The following PLGRKT variants were observed in gnomAD, a reference collection of about 807,000 sequenced individuals.
PLGRKT encodes the protein plasminogen receptor (KT).
In PLGRKT, 22 loss-of-function variants were observed where a neutral mutation model predicts 18.5. The ratio of observed to expected loss-of-function variants is 1.19; its 90% CI spans 0.85 to 1.70. PLGRKT has a LOEUF of 1.70. Among genes scored for constraint, PLGRKT ranks in the 40% most tolerant of loss-of-function variants. The probability of loss-of-function intolerance (pLI) is 0.00; values close to 1 mark genes in which losing one functional copy is unlikely to be tolerated. For synonymous variants in PLGRKT, 72 were observed against 52.8 expected, an observed-to-expected ratio of 1.36 and a Z score of -1.58; for missense variants, 235 against 174.4, an observed-to-expected ratio of 1.35 and a Z score of -1.96.
chr9:5,360,492 G>A (rs538700632), intron 5 of PLGRKT, among the ~76,000 whole-genome samples: 2 of 152,238 alleles, frequency 1.3e-5, no homozygotes, highest in African/African-American at 4.8e-5. Context: ...GCCAGCCTCA[G>A]GCCATCATTT....
At chr9:5,406,239 C>T (rs982278428) in intron 3 of PLGRKT, among the ~76,000 whole-genome samples, 1 of 152,130 alleles carries the variant, frequency 6.6e-6, no homozygotes, top group Non-Finnish European at 1.5e-5. Flanking sequence ...TACCATTTGA[C>T]CCAGCAATCC....
chr9:5,385,877 C>T (rs1003378027), intron 3 of PLGRKT, among the ~76,000 whole-genome samples: 3 of 151,830 alleles, frequency 2.0e-5, no homozygotes, highest in Admixed American at 6.6e-5. Flanking sequence ...GTGTCTCTCT[C>T]AAGAGAAAAG....
chr9:5,382,030 C>T (rs967537186), intron 3 of PLGRKT: 9 of 984,712 alleles, frequency 9.1e-6, no homozygotes, highest in African/African-American at 3.5e-5. Flanking sequence ...AAAATGTGCA[C>T]CCTGAAAAAA....
At chr9:5,400,638 G>A (rs1439886928) in intron 3 of PLGRKT, among the ~76,000 whole-genome samples, 2 of 151,838 alleles carry the variant, frequency 1.3e-5, no homozygotes, top group African/African-American at 4.9e-5. Context: ...AAAATAATTT[G>A]AACCACCAGA....
chr9:5,434,679 C>G (rs192412599), intron 2 of PLGRKT, among the ~76,000 whole-genome samples: 1 of 150,450 alleles, frequency 6.6e-6, no homozygotes, highest in East Asian at 2.0e-4. Flanking sequence ...GCCGCCACCC[C>G]GTCTGGGAAG....
At chr9:5,374,272 C>G (rs573799021) in intron 3 of PLGRKT, among the ~76,000 whole-genome samples, 2 of 152,356 alleles carry the variant, frequency 1.3e-5, no homozygotes, top group East Asian at 3.9e-4. Flanking sequence ...AATAGAACCA[C>G]TGAGGTGATC....
chr9:5,391,653 G>C (rs1253472417), intron 3 of PLGRKT, among the ~76,000 whole-genome samples: 3 of 151,910 alleles, frequency 2.0e-5, no homozygotes, highest in Non-Finnish European at 4.4e-5. Context: ...GTGGCATTGA[G>C]GCAAGAGTAA....
chr9:5,372,187 G>C (rs562131300), intron 3 of PLGRKT, among the ~76,000 whole-genome samples: 2 of 151,750 alleles, frequency 1.3e-5, no homozygotes, highest in East Asian at 3.9e-4. Context: ...CACCATGTTG[G>C]CCAGGATAGT....
At chr9:5,362,988 C>T (rs998203238) in intron 3 of PLGRKT, among the ~76,000 whole-genome samples, 2 of 152,018 alleles carry the variant, frequency 1.3e-5, no homozygotes. Flanking sequence ...GAGGCCGCTT[C>T]CATCTCCCTC....
intron 3 of PLGRKT, among the ~76,000 whole-genome samples, chr9:5,363,537 C>T (rs545403776): frequency 3.3e-5 from 5 of 152,230 alleles, no homozygotes; most frequent in South Asian, 4.1e-4. Context: ...CTGAGGGAGA[C>T]GGAAGTGGCC....
Position 5,403,505 on chromosome 9 carries a change from G to T in PLGRKT, c.81+28392C>A, listed in dbSNP as rs149759975. 9.1e-3 allele frequency among the ~76,000 whole-genome samples: 1,389 copies of T among 152,260 alleles called. 29 individuals are homozygous for T. The highest frequency in any genetic ancestry group is 0.032 in the African/African-American group (1,317 of 41,536). ...CTCCCAAAGTGCTGGGATTACAGGC[G>T]TGAGCCACCACGCCCAGCCATGATT... On this transcript the variant is annotated intron_variant, in intron 3 of 5. Coordinates refer to ENST00000223864, the MANE Select transcript of PLGRKT (RefSeq NM_018465.4).
At chr9:5,369,404 C>T (rs963762887) in intron 3 of PLGRKT, among the ~76,000 whole-genome samples, 1 of 152,152 alleles carries the variant, frequency 6.6e-6, no homozygotes, top group Non-Finnish European at 1.5e-5. Flanking sequence ...CATCTCATGC[C>T]AGTTAGAACG....
chr9:5,376,616 G>T (rs747230071), intron 3 of PLGRKT, among the ~76,000 whole-genome samples: 1 of 152,128 alleles, frequency 6.6e-6, no homozygotes. Flanking sequence ...AGTAGAAACT[G>T]TTTTTCTCCT....
intron 3 of PLGRKT, among the ~76,000 whole-genome samples, chr9:5,397,486 T>C (rs1278547922): frequency 2.0e-5 from 3 of 151,522 alleles, no homozygotes; most frequent in Non-Finnish European, 4.4e-5. Context: ...CCAATCACCT[T>C]AGATAGGTGT....
At chr9:5,373,390 A>T (rs1404988187) in intron 3 of PLGRKT, among the ~76,000 whole-genome samples, 1 of 152,230 alleles carries the variant, frequency 6.6e-6, no homozygotes, top group Non-Finnish European at 1.5e-5. Flanking sequence ...CACATTCTGT[A>T]AACTCAACTT....
chr9:5,381,759 A>G, intron 3 of PLGRKT: 1 of 356,128 alleles, frequency 2.8e-6, no homozygotes, highest in Non-Finnish European at 3.9e-6. Context: ...GCCTCTGTGT[A>G]GTAGGATTTT....
chr9:5,406,451 C>G (rs7046140), intron 3 of PLGRKT, among the ~76,000 whole-genome samples: 1 of 152,062 alleles, frequency 6.6e-6, no homozygotes, highest in African/African-American at 2.4e-5. Flanking sequence ...AAGATCATGT[C>G]CTTTGCAGGG....
At chr9:5,432,842 G>A (rs1202830778) in intron 2 of PLGRKT, among the ~76,000 whole-genome samples, 1 of 152,130 alleles carries the variant, frequency 6.6e-6, no homozygotes, top group African/African-American at 2.4e-5. Context: ...ATCTCGGCTG[G>A]CTACAACCTC....
chr9:5,400,579 T>C (rs1414172658), intron 3 of PLGRKT, among the ~76,000 whole-genome samples: 1 of 151,892 alleles, frequency 6.6e-6, no homozygotes, highest in Non-Finnish European at 1.5e-5. Context: ...AAAATTTGTG[T>C]TTACTGAACA....
Sources: allele counts gnomAD v4.1 joint callset (sites outside exome capture counted in the v4.1 genomes callset), GRCh38; gene constraint gnomAD v4.1.1; transcripts MANE v1.5; gene names NCBI Gene and HGNC (gene_info 2026-07-23, HGNC 2026-07-21).